LIMCH1: variants seen among roughly 807,000 people sequenced by gnomAD.
LIMCH1 encodes the protein LIM and calponin homology domains-containing protein 1.
In LIMCH1, 113 loss-of-function variants were observed where a neutral mutation model predicts 176.5. That is an observed-to-expected ratio of 0.64 (90% CI 0.55 to 0.75). The LOEUF is 0.75. Among genes scored for constraint, LIMCH1 ranks in the 30% least tolerant of loss-of-function variants. LIMCH1 has a pLI of 0.00. For missense variants in LIMCH1, 1,674 were observed against 1,814.9 expected (o/e 0.92, Z 1.41); for synonymous variants, 619 against 645.9 (o/e 0.96, Z 0.63).
At chr4:41,374,664 G>A (rs942798909) in intron 1 of LIMCH1, among the ~76,000 whole-genome samples, 3 of 151,864 alleles carry the variant, frequency 2.0e-5, no homozygotes, top group African/African-American at 4.8e-5. Flanking sequence ...GCTCATTGAC[G>A]TTCTGGAGGT....
At chr4:41,559,038 C>T (rs2081697985) in intron 1 of LIMCH1, among the ~76,000 whole-genome samples, 1 of 151,894 alleles carries the variant, frequency 6.6e-6, no homozygotes, top group Non-Finnish European at 1.5e-5. Context: ...GTCTTCGTGG[C>T]TGAAAAAAAA....
intron 1 of LIMCH1, among the ~76,000 whole-genome samples, chr4:41,556,231 C>T (rs1309978940): frequency 6.6e-6 from 1 of 151,842 alleles, no homozygotes; most frequent in East Asian, 1.9e-4. Context: ...CCTGTCTCTA[C>T]TAAAAATACA....
chr4:41,429,559 A>G (rs1040123852), intron 1 of LIMCH1, among the ~76,000 whole-genome samples: 4 of 152,226 alleles, frequency 2.6e-5, no homozygotes, highest in African/African-American at 9.6e-5. Flanking sequence ...TGGTAAGCAC[A>G]GTATTCTCAG....
chr4:41,601,052 T>A (rs774361440), intron 2 of LIMCH1, among the ~76,000 whole-genome samples: 2 of 152,196 alleles, frequency 1.3e-5, no homozygotes, highest in Non-Finnish European at 2.9e-5. Context: ...TTCACTTGGG[T>A]ACTCTTATTT....
chr4:41,503,425 TGACTATTA>T (rs370176384), intron 2 of LIMCH1, among the ~76,000 whole-genome samples: 323 of 152,260 alleles, frequency 2.1e-3, no homozygotes, highest in African/African-American at 7.6e-3. Flanking sequence ...GAAGAAGGAA[TGACTATTA>T]GACCAACAAA....
chr4:41,612,401 A>C, intron 4 of LIMCH1: 1 of 601,978 alleles, frequency 1.7e-6, no homozygotes, highest in Non-Finnish European at 3.0e-6. Flanking sequence ...GGGAATCTGC[A>C]GTGTGGCATT....
chr4:41,367,918 G>T (rs1424351005), intron 1 of LIMCH1, among the ~76,000 whole-genome samples: 5 of 149,492 alleles, frequency 3.3e-5, no homozygotes, highest in African/African-American at 1.2e-4. Context: ...AGGACTTGTA[G>T]CTTTTTCATT....
intron 1 of LIMCH1, among the ~76,000 whole-genome samples, chr4:41,558,879 C>T (rs2081669776): frequency 6.6e-6 from 1 of 152,076 alleles, no homozygotes; most frequent in African/African-American, 2.4e-5. Flanking sequence ...GAGCTTCTTT[C>T]TTTGTTAAAA....
intron 1 of LIMCH1, among the ~76,000 whole-genome samples, chr4:41,574,453 A>T (rs1043110010): frequency 1.9e-4 from 29 of 151,382 alleles, no homozygotes; most frequent in Admixed American, 9.9e-4. Context: ...CACCTGGCTA[A>T]TTTTTTTGTA....
intron 1 of LIMCH1, among the ~76,000 whole-genome samples, chr4:41,375,036 TC>T (rs1264992740): frequency 1.3e-5 from 2 of 152,308 alleles, no homozygotes; most frequent in East Asian, 3.9e-4. Flanking sequence ...AGCAGTGAAT[TC>T]CCTAGAGGAA....
chr4:41,696,307 A>C (rs560897160), intron 31 of LIMCH1, among the ~76,000 whole-genome samples: 5 of 152,318 alleles, frequency 3.3e-5, no homozygotes, highest in Non-Finnish European at 7.3e-5. Context: ...GTCTTTGTAC[A>C]TGGTGTTCTG....
At chr4:41,519,179 A>T (rs1301375050) in intron 2 of LIMCH1, among the ~76,000 whole-genome samples, 2 of 152,216 alleles carry the variant, frequency 1.3e-5, no homozygotes, top group African/African-American at 2.4e-5. Context: ...TATGACAGCG[A>T]GACACGTATG....
intron 3 of LIMCH1, among the ~76,000 whole-genome samples, chr4:41,525,354 A>G (rs905311585): frequency 1.3e-5 from 2 of 152,218 alleles, no homozygotes; most frequent in Admixed American, 1.3e-4. Flanking sequence ...AAGCAATGAG[A>G]AGAATGTCAA....
intron 1 of LIMCH1, among the ~76,000 whole-genome samples, chr4:41,391,961 T>C (rs1321610140): frequency 6.6e-6 from 1 of 151,692 alleles, no homozygotes; most frequent in Admixed American, 6.6e-5. Context: ...GAGAACTCTC[T>C]TTGCAACTTT....
In LIMCH1 at chr4:41,689,599, G is replaced by A; in HGVS notation, c.4239G>A (p.Glu1413=). ...PLGKGAAMII[E]TLNLYFHIQC... The stretch of plus-strand genomic sequence containing the variant: ...GTAAAGGAGCTGCAATGATCATCGA[G>A]ACCCTCAATCTCTATTTTCACATCC... The change falls in exon 30 of 32, where the codon GAG becomes GAA. Residue 1413 remains glutamate (E), a synonymous_variant. Coordinates refer to ENST00000503057, the MANE Select transcript of LIMCH1 (RefSeq NM_001330672.2). 2 of 1,611,884 alleles carry A rather than the reference G, an allele frequency of 1.2e-6. No homozygotes were observed. Among genetic ancestry groups the A allele is most frequent in the Non-Finnish European group, 1.7e-6 (2 of 1,178,184 alleles).
intron 1 of LIMCH1, among the ~76,000 whole-genome samples, chr4:41,549,859 C>A (rs770716848): frequency 6.6e-6 from 1 of 151,928 alleles, no homozygotes. Flanking sequence ...GTAATCAACA[C>A]GATTTATATG....
At chr4:41,402,160 G>A (rs1461727390) in intron 1 of LIMCH1, among the ~76,000 whole-genome samples, 1 of 152,034 alleles carries the variant, frequency 6.6e-6, no homozygotes, top group East Asian at 1.9e-4. Context: ...TCAAAAAGTG[G>A]GCAAAGGATA....
At chr4:41,582,732 G>C (rs2085728731) in intron 1 of LIMCH1, among the ~76,000 whole-genome samples, 1 of 152,178 alleles carries the variant, frequency 6.6e-6, no homozygotes, top group African/African-American at 2.4e-5. Context: ...GCTTAGAACA[G>C]TGTCTTACAC....
chr4:41,437,491 A>G (rs955944096), intron 1 of LIMCH1, among the ~76,000 whole-genome samples: 8 of 152,186 alleles, frequency 5.3e-5, no homozygotes, highest in African/African-American at 1.9e-4. Context: ...ACAGATAGAA[A>G]GGAAACTGTA....
Sources: allele counts gnomAD v4.1 joint callset (sites outside exome capture counted in the v4.1 genomes callset), GRCh38; gene constraint gnomAD v4.1.1; transcripts MANE v1.5; gene names NCBI Gene and HGNC (gene_info 2026-07-23, HGNC 2026-07-21).